Variants in TMEM117 observed in about 807,000 individuals in gnomAD.
TMEM117 encodes the protein transmembrane protein 117.
In TMEM117, 27 loss-of-function variants were observed where a neutral mutation model predicts 52.4. The ratio of observed to expected loss-of-function variants is 0.51; its 90% confidence interval spans 0.38 to 0.71. The LOEUF is 0.71. TMEM117 is among the 30% of genes least tolerant of loss of function. The pLI is 0.00. For missense variants in TMEM117, 556 were observed against 630.5 expected, an observed-to-expected ratio of 0.88 and a Z score of 1.26; for synonymous variants, 215 against 206.3, an observed-to-expected ratio of 1.04 and a Z score of -0.36.
At chr12:44,175,630 A>G (rs1949106960) in intron 4 of TMEM117, among the ~76,000 whole-genome samples, 1 of 152,194 alleles carries the variant, frequency 6.6e-6, no homozygotes, top group Non-Finnish European at 1.5e-5. Context: ...GAGTTAGGTG[A>G]CATGATGGCC....
chr12:43,954,939 G>T (rs944442119), intron 3 of TMEM117, among the ~76,000 whole-genome samples: 2 of 152,152 alleles, frequency 1.3e-5, no homozygotes, highest in African/African-American at 4.8e-5. Context: ...TATCCACCAC[G>T]ATCAAGTTGG....
At chr12:43,824,234 G>A in the TMEM117 span, among the ~76,000 whole-genome samples, 3 of 152,302 alleles carry the variant, frequency 2.0e-5, no homozygotes, top group African/African-American at 4.8e-5. Flanking sequence ...CTGGTCAAAC[G>A]AGGTGGCATT....
intron 2 of TMEM117, among the ~76,000 whole-genome samples, chr12:43,862,446 T>C (rs1943507612): frequency 6.6e-6 from 1 of 152,214 alleles, no homozygotes; most frequent in African/African-American, 2.4e-5. Context: ...CGTGAGCCGC[T>C]GCACCCAGAA....
chr12:44,150,229 A>G (rs150690137), intron 4 of TMEM117, among the ~76,000 whole-genome samples: 68 of 152,306 alleles, frequency 4.5e-4, no homozygotes, highest in Admixed American at 9.8e-4. Context: ...GAGGTTCTCT[A>G]AGAAAAAAAG....
the TMEM117 span, among the ~76,000 whole-genome samples, chr12:43,807,471 G>C: frequency 6.6e-4 from 100 of 152,296 alleles, no homozygotes; most frequent in Middle Eastern, 0.031. Context: ...GAAATGTAGG[G>C]AGGAGTTTCA....
intron 6 of TMEM117, among the ~76,000 whole-genome samples, chr12:44,301,586 A>C (rs1271262175): frequency 6.6e-6 from 1 of 152,202 alleles, no homozygotes; most frequent in Non-Finnish European, 1.5e-5. Context: ...TTTTAGGGAT[A>C]TCCTACCCAA....
At chr12:44,168,806 C>T (rs1949005556) in intron 4 of TMEM117, among the ~76,000 whole-genome samples, 1 of 152,166 alleles carries the variant, frequency 6.6e-6, no homozygotes, top group Admixed American at 6.5e-5. Flanking sequence ...CATTCATCTC[C>T]AGAACTTTTC....
chr12:43,944,850 A>T (rs1352013415), intron 3 of TMEM117, among the ~76,000 whole-genome samples: 1 of 152,068 alleles, frequency 6.6e-6, no homozygotes, highest in African/African-American at 2.4e-5. Flanking sequence ...ATGGTGGCTC[A>T]TGCTTGTAAT....
chr12:43,935,767 C>T (rs571192092), intron 2 of TMEM117, among the ~76,000 whole-genome samples: 1 of 152,330 alleles, frequency 6.6e-6, no homozygotes, highest in African/African-American at 2.4e-5. Context: ...CCCATAAGCT[C>T]TTTCTATAAT....
intron 3 of TMEM117, among the ~76,000 whole-genome samples, chr12:44,134,496 A>G (rs1327026521): frequency 1.3e-5 from 2 of 152,168 alleles, no homozygotes. Flanking sequence ...GTGCTATTCT[A>G]AATTTCAGGA....
intron 3 of TMEM117, among the ~76,000 whole-genome samples, chr12:44,098,906 A>G (rs954420692): frequency 2.0e-5 from 3 of 152,026 alleles, no homozygotes; most frequent in East Asian, 1.9e-4. Flanking sequence ...CCCTTGTGTC[A>G]TTTCTTGATC....
chr12:43,893,984 A>G (rs907385963), intron 2 of TMEM117, among the ~76,000 whole-genome samples: 1 of 152,200 alleles, frequency 6.6e-6, no homozygotes, highest in Non-Finnish European at 1.5e-5. Flanking sequence ...GGCTTTTCTC[A>G]GCATGACAAC....
the TMEM117 span, among the ~76,000 whole-genome samples, chr12:43,812,775 AG>A: frequency 6.7e-6 from 1 of 150,260 alleles, no homozygotes; most frequent in Non-Finnish European, 1.5e-5. Context: ...GAGGCTGAGG[AG>A]GGAGGATTAC....
intron 3 of TMEM117, among the ~76,000 whole-genome samples, chr12:44,031,187 G>A (rs1403649173): frequency 2.0e-5 from 3 of 152,228 alleles, no homozygotes; most frequent in South Asian, 2.1e-4. Context: ...GGCTGTATTT[G>A]TATAAATGTA....
the TMEM117 span, among the ~76,000 whole-genome samples, chr12:43,808,441 A>G: frequency 2.0e-5 from 3 of 152,186 alleles, no homozygotes; most frequent in Non-Finnish European, 4.4e-5. Context: ...CATGAGTGAA[A>G]GGCAATTATC....
At chr12:43,913,880 C>T (rs748469916) in intron 2 of TMEM117, among the ~76,000 whole-genome samples, 5 of 152,120 alleles carry the variant, frequency 3.3e-5, no homozygotes, top group Admixed American at 6.6e-5. Context: ...AAGTATTACA[C>T]GTGACCAAAT....
the TMEM117 span, among the ~76,000 whole-genome samples, chr12:43,801,764 T>A: frequency 6.6e-6 from 1 of 152,204 alleles, no homozygotes; most frequent in Admixed American, 6.5e-5. Context: ...ACACAGTGGC[T>A]CATACCTGTA....
At chr12:44,358,434 T>C (rs1232566698) in intron 6 of TMEM117, among the ~76,000 whole-genome samples, 3 of 152,104 alleles carry the variant, frequency 2.0e-5, no homozygotes, top group Non-Finnish European at 4.4e-5. Context: ...TGTGAACAAA[T>C]GGATAGGTGA....
At chr12:44,387,090 C>T (rs1952098557) in intron 7 of TMEM117, among the ~76,000 whole-genome samples, 1 of 151,570 alleles carries the variant, frequency 6.6e-6, no homozygotes, top group Non-Finnish European at 1.5e-5. Flanking sequence ...GTAGGTATTA[C>T]TGTATTATTA....
Sources: allele counts gnomAD v4.1 joint callset (sites outside exome capture counted in the v4.1 genomes callset), GRCh38; gene constraint gnomAD v4.1.1; transcripts MANE v1.5; gene names NCBI Gene and HGNC (gene_info 2026-07-23, HGNC 2026-07-21).